The following SRBD1 variants were observed in gnomAD, a reference collection of about 807,000 sequenced individuals.
The protein encoded by SRBD1 is S1 RNA-binding domain-containing protein 1.
In SRBD1, 88 loss-of-function variants were observed where a neutral mutation model predicts 115.3. That is an observed-to-expected ratio of 0.76 (90% confidence interval 0.64 to 0.91). The LOEUF is 0.91. Among genes scored for constraint, SRBD1 ranks in the 40% least tolerant of loss-of-function variants. The pLI, the probability that SRBD1 is intolerant of heterozygous loss-of-function variation, is 0.00. For missense variants in SRBD1, 1,385 were observed against 1,177.4 expected, an observed-to-expected ratio of 1.18 and a Z score of -2.58; for synonymous variants, 509 against 407.7, an observed-to-expected ratio of 1.25 and a Z score of -2.99.
chr2:45,453,267 G>GGA (rs1669050268), intron 16 of SRBD1, among the ~76,000 whole-genome samples: 1 of 78,694 alleles, frequency 1.3e-5, no homozygotes, highest in Non-Finnish European at 3.2e-5. Context: ...ACTGCTATAA[G>GGA]GAAAAAAAAA....
intron 16 of SRBD1, among the ~76,000 whole-genome samples, chr2:45,442,804 C>A (rs141758566): frequency 2.0e-5 from 3 of 152,182 alleles, no homozygotes; most frequent in Non-Finnish European, 2.9e-5. Context: ...TTTTCTGACA[C>A]TGAGAAGAAA....
At chr2:45,521,006 G>C (rs1021377645) in intron 14 of SRBD1, among the ~76,000 whole-genome samples, 1 of 152,164 alleles carries the variant, frequency 6.6e-6, no homozygotes, top group Admixed American at 6.5e-5. Context: ...ATCCATGGAC[G>C]TCAAGGCTAA....
chr2:45,555,571 A>G (rs1672449051), intron 10 of SRBD1, among the ~76,000 whole-genome samples: 1 of 148,808 alleles, frequency 6.7e-6, no homozygotes, highest in Non-Finnish European at 1.5e-5. Context: ...GCCCACTGCA[A>G]CCTCCACCTC....
intron 14 of SRBD1, among the ~76,000 whole-genome samples, chr2:45,532,397 G>C (rs1005867763): frequency 4.0e-5 from 6 of 151,734 alleles, no homozygotes; most frequent in Non-Finnish European, 7.4e-5. Flanking sequence ...TAAAGAAGAC[G>C]GAGCTGAAGT....
chr2:45,413,020 T>C (rs991290601), intron 19 of SRBD1, 94 bp downstream of exon 19: 9 of 1,395,862 alleles, frequency 6.4e-6, no homozygotes, highest in African/African-American at 5.8e-5. Context: ...TAAACGGTCA[T>C]ATTTTTCAGT....
chr2:45,582,998 GGTGGGC>G (rs1392440914), intron 5 of SRBD1, among the ~76,000 whole-genome samples: 2 of 151,814 alleles, frequency 1.3e-5, no homozygotes, highest in Non-Finnish European at 1.5e-5. Context: ...CAAAAGGAAG[GGTGGGC>G]ACAGTAGTTC....
At chr2:45,474,683 T>G (rs149797043) in intron 16 of SRBD1, among the ~76,000 whole-genome samples, 181 of 152,298 alleles carry the variant, frequency 1.2e-3, no homozygotes, top group African/African-American at 4.1e-3. Context: ...AACATAATGA[T>G]ACACAATGAT....
intron 14 of SRBD1, among the ~76,000 whole-genome samples, chr2:45,526,607 T>G (rs776557442): frequency 6.6e-5 from 10 of 151,906 alleles, no homozygotes; most frequent in Non-Finnish European, 1.2e-4. Context: ...AATTATATGG[T>G]GTGTGAATAT....
chr2:45,543,951 T>C (rs931981792), intron 14 of SRBD1, among the ~76,000 whole-genome samples: 1 of 152,080 alleles, frequency 6.6e-6, no homozygotes, highest in Non-Finnish European at 1.5e-5. Flanking sequence ...AAGCAAGTCT[T>C]AAATTGCAAC....
At chr2:45,445,115 A>G (rs1668782525) in intron 16 of SRBD1, among the ~76,000 whole-genome samples, 1 of 152,162 alleles carries the variant, frequency 6.6e-6, no homozygotes. Flanking sequence ...TAAGAGTGAC[A>G]ATTGTCTTTC....
chr2:45,578,824 T>C (rs1558490931), intron 7 of SRBD1, among the ~76,000 whole-genome samples: 1 of 152,178 alleles, frequency 6.6e-6, no homozygotes, highest in African/African-American at 2.4e-5. Context: ...TACTGTGAAT[T>C]TGCTAAGACA....
Position 45,573,348 on chromosome 2 carries a change from C to A in SRBD1, c.1170-6G>T, listed in dbSNP as rs1210647679. On this transcript the variant is annotated splice_polypyrimidine_tract_variant and splice_region_variant and intron_variant, in intron 8 of 20. Transcript: ENST00000263736. ...AAACATGTCTCTTCTGGCACCTGTT[C>A]AGATACACAAGTGTTCAAAAAACAA... 2 of 1,604,270 alleles carry A rather than the reference C, an allele frequency of 1.2e-6. No homozygotes were observed. The highest frequency in any genetic ancestry group is 1.7e-6 in the Non-Finnish European group (2 of 1,176,898).
intron 19 of SRBD1, among the ~76,000 whole-genome samples, chr2:45,399,861 T>C (rs996732566): frequency 3.3e-5 from 5 of 152,174 alleles, no homozygotes; most frequent in African/African-American, 1.2e-4. Context: ...ATTTACTGCC[T>C]GTAAAGCCAT....
At chr2:45,597,131 G>C (rs1673926815) in intron 4 of SRBD1, among the ~76,000 whole-genome samples, 1 of 152,062 alleles carries the variant, frequency 6.6e-6, no homozygotes, top group Admixed American at 6.6e-5. Flanking sequence ...TTAAAATTTG[G>C]AACTGGAGGC....
At chr2:45,530,870 T>C (rs772506578) in intron 14 of SRBD1, among the ~76,000 whole-genome samples, 1 of 151,906 alleles carries the variant, frequency 6.6e-6, no homozygotes, top group Non-Finnish European at 1.5e-5. Flanking sequence ...TAATCCCAGA[T>C]ACTCACAAAA....
intron 19 of SRBD1, among the ~76,000 whole-genome samples, chr2:45,402,044 A>G (rs1306538090): frequency 2.6e-5 from 4 of 152,146 alleles, no homozygotes; most frequent in African/African-American, 9.7e-5. Context: ...CCACTCATTA[A>G]GGGTCTTCAG....
intron 4 of SRBD1, among the ~76,000 whole-genome samples, chr2:45,596,988 T>TCACACACACA (rs36095012): frequency 1.4e-5 from 2 of 140,974 alleles, no homozygotes; most frequent in South Asian, 2.3e-4. Context: ...CCCACAACCC[T>TCACACACACA]CACACACACA....
intron 16 of SRBD1, among the ~76,000 whole-genome samples, chr2:45,450,101 C>A (rs1668948000): frequency 6.6e-6 from 1 of 152,100 alleles, no homozygotes; most frequent in Non-Finnish European, 1.5e-5. Flanking sequence ...AAAAGAAGCA[C>A]AGGAGGCCTA....
chr2:45,468,480 C>T (rs902726978), intron 16 of SRBD1, among the ~76,000 whole-genome samples: 6 of 151,694 alleles, frequency 4.0e-5, no homozygotes, highest in African/African-American at 1.2e-4. Context: ...CTTTATCTTC[C>T]GGGCCCAAGT....
Sources: gnomAD v4.1 joint callset for allele counts (sites outside exome capture counted in the v4.1 genomes callset) on GRCh38, gnomAD v4.1.1 for gene constraint, MANE v1.5 for transcripts, NCBI Gene and HGNC (gene_info 2026-07-23, HGNC 2026-07-21) for gene names.